The following FOXN3 variants were observed in gnomAD, a reference collection of about 807,000 sequenced individuals.
The protein encoded by FOXN3 is forkhead box protein N3.
In FOXN3, 7 loss-of-function variants were observed where a neutral mutation model predicts 38.4. The observed-to-expected ratio is 0.18, with a 90% confidence interval of 0.10 to 0.34. The LOEUF (loss-of-function observed/expected upper bound fraction) is 0.34. FOXN3 is among the 10% of genes least tolerant of loss of function. FOXN3 has a pLI of 1.00. For synonymous variants in FOXN3, 230 were observed against 242.2 expected (o/e 0.95, Z 0.47); for missense variants, 456 against 613.4 (o/e 0.74, Z 2.71).
At chr14:89,391,651 A>G (rs973784950) in intron 2 of FOXN3, among the ~76,000 whole-genome samples, 1 of 152,152 alleles carries the variant, frequency 6.6e-6, no homozygotes, top group African/African-American at 2.4e-5. Flanking sequence ...ACAGTCCCCA[A>G]ATACAGCCTG....
intron 3 of FOXN3, among the ~76,000 whole-genome samples, chr14:89,319,613 G>A (rs1887842262): frequency 6.6e-6 from 1 of 152,094 alleles, no homozygotes; most frequent in Admixed American, 6.5e-5. Context: ...GGAGTGCTGA[G>A]AACCCTCCTG....
intron 1 of FOXN3, among the ~76,000 whole-genome samples, chr14:89,464,122 A>G (rs1892920560): frequency 6.6e-6 from 1 of 152,158 alleles, no homozygotes; most frequent in Admixed American, 6.5e-5. Flanking sequence ...CTGCCAAGGT[A>G]GTGCAGACAG....
At chr14:89,553,361 G>A (rs1021491612) in intron 1 of FOXN3, among the ~76,000 whole-genome samples, 4 of 151,570 alleles carry the variant, frequency 2.6e-5, no homozygotes, top group Non-Finnish European at 1.5e-5. Context: ...AGGACAGTCT[G>A]GTAGGGAAAG....
intron 2 of FOXN3, among the ~76,000 whole-genome samples, chr14:89,392,393 G>C (rs1237328900): frequency 6.6e-6 from 1 of 152,200 alleles, no homozygotes; most frequent in Non-Finnish European, 1.5e-5. Flanking sequence ...CTGTAACCAA[G>C]TGCCACAAGC....
chr14:89,416,466 T>TC (rs925154087), intron 1 of FOXN3, among the ~76,000 whole-genome samples: 4 of 151,850 alleles, frequency 2.6e-5, no homozygotes, highest in Non-Finnish European at 5.9e-5. Flanking sequence ...CCGGAGACGT[T>TC]CGTTGCCTGT....
At chr14:89,194,854 G>GA (rs928452275) in intron 4 of FOXN3, among the ~76,000 whole-genome samples, 2 of 151,904 alleles carry the variant, frequency 1.3e-5, no homozygotes, top group African/African-American at 4.8e-5. Flanking sequence ...CATATTCATT[G>GA]AAAAACTAAG....
At chr14:89,255,971 C>A (rs1203500832) in intron 4 of FOXN3, among the ~76,000 whole-genome samples, 1 of 152,176 alleles carries the variant, frequency 6.6e-6, no homozygotes, top group Admixed American at 6.5e-5. Flanking sequence ...CAAGACACCT[C>A]CCCATGAGTG....
chr14:89,187,790 T>G (rs1566924471), intron 4 of FOXN3, among the ~76,000 whole-genome samples: 1 of 152,140 alleles, frequency 6.6e-6, no homozygotes, highest in East Asian at 1.9e-4. Context: ...GCTTCCCAAG[T>G]GCACAGAGAA....
intron 4 of FOXN3, among the ~76,000 whole-genome samples, chr14:89,237,314 T>C (rs1885009115): frequency 6.6e-6 from 1 of 152,156 alleles, no homozygotes; most frequent in Admixed American, 6.5e-5. Flanking sequence ...AGAATGGCTA[T>C]GAAAAAATAG....
chr14:89,475,475 G>A (rs1238545795), intron 1 of FOXN3, among the ~76,000 whole-genome samples: 3 of 151,960 alleles, frequency 2.0e-5, no homozygotes, highest in Non-Finnish European at 1.5e-5. Flanking sequence ...GGACAACCTA[G>A]GGAGACGCCA....
chr14:89,355,199 A>C (rs570667515), intron 2 of FOXN3: 77 of 107,856 alleles, frequency 7.1e-4, no homozygotes, highest in Non-Finnish European at 1.4e-3. Context: ...GTTAGCAAAA[A>C]TGTAAAAAAA....
intron 4 of FOXN3, among the ~76,000 whole-genome samples, chr14:89,221,581 C>CT (rs1317619724): frequency 2.6e-5 from 4 of 152,118 alleles, no homozygotes; most frequent in Non-Finnish European, 5.9e-5. Flanking sequence ...TTTTCTTCAA[C>CT]ACAGTCATAA....
intron 2 of FOXN3, among the ~76,000 whole-genome samples, chr14:89,366,709 C>T (rs1373340183): frequency 1.3e-5 from 2 of 152,166 alleles, no homozygotes; most frequent in Admixed American, 1.3e-4. Flanking sequence ...CAGGCTGCAA[C>T]TGGGCGCGCA....
intron 4 of FOXN3, among the ~76,000 whole-genome samples, chr14:89,223,964 T>C (rs927213173): frequency 8.5e-5 from 13 of 152,236 alleles, no homozygotes; most frequent in African/African-American, 2.9e-4. Flanking sequence ...ATTTCAAACA[T>C]AGTATTTCAA....
chr14:89,357,620 A>G (rs1211609163), intron 2 of FOXN3, among the ~76,000 whole-genome samples: 5 of 150,962 alleles, frequency 3.3e-5, no homozygotes, highest in African/African-American at 1.2e-4. Flanking sequence ...AAAAAAAAAA[A>G]GAGAGAGAGA....
intron 4 of FOXN3, among the ~76,000 whole-genome samples, chr14:89,207,721 T>C (rs1334682357): frequency 1.3e-5 from 2 of 152,132 alleles, no homozygotes; most frequent in Non-Finnish European, 2.9e-5. Context: ...GGTAGCAAAA[T>C]ATACTAAACG....
intron 2 of FOXN3, among the ~76,000 whole-genome samples, chr14:89,388,503 G>A (rs1249305085): frequency 1.3e-5 from 2 of 152,108 alleles, no homozygotes; most frequent in East Asian, 1.9e-4. Context: ...GAATGAATGC[G>A]CCATTGACTT....
chr14:89,353,989 G>A (rs900146307), intron 2 of FOXN3, among the ~76,000 whole-genome samples: 2 of 151,900 alleles, frequency 1.3e-5, no homozygotes, highest in East Asian at 3.9e-4. Flanking sequence ...TGGGTTTCAT[G>A]TAACAGTTTG....
intron 4 of FOXN3, among the ~76,000 whole-genome samples, chr14:89,257,155 A>G (rs577692356): frequency 6.6e-6 from 1 of 152,308 alleles, no homozygotes; most frequent in South Asian, 2.1e-4. Flanking sequence ...ACCACCATCA[A>G]CAACTCATAT....
Sources: allele counts gnomAD v4.1 joint callset (sites outside exome capture counted in the v4.1 genomes callset), GRCh38; gene constraint gnomAD v4.1.1; transcripts MANE v1.5; gene names NCBI Gene and HGNC (gene_info 2026-07-23, HGNC 2026-07-21).